RAMP3: variants seen among roughly 807,000 people sequenced by gnomAD.
The protein encoded by RAMP3 is receptor activity modifying protein 3, also known as receptor activity-modifying protein 3.
In RAMP3, 14 loss-of-function variants were observed where a neutral mutation model predicts 13.5. That is an observed-to-expected ratio of 1.04 (90% confidence interval 0.69 to 1.63). The LOEUF is 1.63. Among genes scored for constraint, RAMP3 ranks in the 40% most tolerant of loss-of-function variants. The pLI, the probability that RAMP3 is intolerant of heterozygous loss-of-function variation, is 0.00. For synonymous variants in RAMP3, 106 were observed against 88.3 expected (o/e 1.20, Z -1.12); for missense variants, 200 against 204.8 (o/e 0.98, Z 0.14).
At chr7:45,178,255 T>G (rs1294939) in intron 2 of RAMP3, among the ~76,000 whole-genome samples, 68,034 of 151,822 alleles carry the variant, frequency 0.45, 17,468 homozygotes, top group Admixed American at 0.6. Flanking sequence ...TGAAGGGAGG[T>G]CCCCTTGTTC....
At position 45,177,373 on chromosome 7, in the gene RAMP3, G is replaced by A. The variant is rs1393744855; in HGVS notation, c.123G>A (p.Gly41=). ...TGMLERLPLC[G]KAFADMMGKV... is the part of the protein sequence containing the mutation. ...TGTTGGAGAGGCTGCCCCTGTGTGG[G>A]AAGGCTTTCGCAGACATGATGGGCA... The change falls in exon 2 of 3, where the codon GGG becomes GGA. Residue 41 remains glycine (G), a synonymous_variant. Transcript: ENST00000242249. 3 of 1,614,060 alleles carry A rather than the reference G, an allele frequency of 1.9e-6. No individual in the cohort carries two copies. Among genetic ancestry groups the A allele is most frequent in the Non-Finnish European group, 2.5e-6 (3 of 1,180,002 alleles).
At chr7:45,163,657 C>T (rs1785905769) in intron 1 of RAMP3, 1 of 985,286 alleles carries the variant, frequency 1.0e-6, no homozygotes, top group Non-Finnish European at 1.2e-6. Context: ...CAATTATTAA[C>T]CAATGGAAAC....
chr7:45,163,541 G>T, intron 1 of RAMP3: 1 of 985,404 alleles, frequency 1.0e-6, no homozygotes. Context: ...GGGTCGTGGA[G>T]CAGCAGCTCA....
chr7:45,157,909 C>G, intron 1 of RAMP3, 23 bp downstream of exon 1: 1 of 1,346,970 alleles, frequency 7.4e-7, no homozygotes, highest in Non-Finnish European at 9.5e-7. Context: ...CGGCCCGCAC[C>G]GGGGGCGCCC....
At chr7:45,183,039 A>T (rs1786348590) in intron 2 of RAMP3, 118 bp from the exon 3 acceptor site, 1 of 1,402,118 alleles carries the variant, frequency 7.1e-7, no homozygotes, top group African/African-American at 1.4e-5. Context: ...CTGGGCTGTG[A>T]ATAGGTGGCC....
At position 45,160,330 on chromosome 7, in the gene RAMP3, C is replaced by CAAAA. The variant is rs34833718; in HGVS notation, c.58+2482_58+2485dup. ...CTGGTGACAAAGCGAGACTCTGCCT[C>CAAAA]AAAAAAAAAAAAAAAAAAAAAAAAA... On this transcript the variant is annotated intron_variant, in intron 1 of 2. Coordinates refer to ENST00000242249, the MANE Select transcript of RAMP3 (RefSeq NM_005856.3). Among the ~76,000 whole-genome samples, 67 of 17,888 alleles carry CAAAA rather than the reference C, an allele frequency of 3.7e-3. 18 individuals carry two copies. The East Asian group carries it at 0.044, about 12-fold the overall frequency. 11.7% of individuals were successfully genotyped at this position (17,888 alleles called of 152,430 possible). A position where few individuals can be genotyped will look rare whatever the true frequency, so the allele number is the denominator to read the frequency against.
At chr7:45,182,155 G>A (rs969958216) in intron 2 of RAMP3, among the ~76,000 whole-genome samples, 5 of 152,234 alleles carry the variant, frequency 3.3e-5, no homozygotes, top group Non-Finnish European at 5.9e-5. Context: ...CTGGGACAGC[G>A]CGGGAAGGAG....
At chr7:45,166,931 T>A (rs1265306927) in intron 1 of RAMP3, among the ~76,000 whole-genome samples, 1 of 148,928 alleles carries the variant, frequency 6.7e-6, no homozygotes, top group East Asian at 1.9e-4. Flanking sequence ...AGTTTTATAA[T>A]TTAGCTCTAC....
chr7:45,158,012 C>T (rs1283883194), intron 1 of RAMP3, 126 bp downstream of exon 1: 7 of 927,400 alleles, frequency 7.5e-6, no homozygotes, highest in South Asian at 3.0e-5. Flanking sequence ...GGGAGGGGCG[C>T]ACAGTGACCC....
At chr7:45,158,194 G>T (rs1785796884) in intron 1 of RAMP3, among the ~76,000 whole-genome samples, 1 of 152,214 alleles carries the variant, frequency 6.6e-6, no homozygotes, top group Non-Finnish European at 1.5e-5. Flanking sequence ...TTCTGGGGTC[G>T]CCTCAGGGTG....
rs574040475 is a variant in RAMP3 at position 45,166,986 on chromosome 7, C to T, written c.58+9100C>T. 5.1e-3 allele frequency among the ~76,000 whole-genome samples: 498 copies of T among 98,264 alleles called. 10 individuals are homozygous for T. Among genetic ancestry groups the T allele is most frequent in the Non-Finnish European group, 2.5e-3 (131 of 51,788 alleles). 64.5% of individuals were successfully genotyped at this position (98,264 alleles called of 152,430 possible). On this transcript the variant is annotated intron_variant, in intron 1 of 2. Transcript: ENST00000242249. ...TTTTTTTTTTTTTTTGAGACAGAGTCTTGCCTTGTTGCCCAGGCTGGAGTG... is the reference window on the plus strand; with the variant it reads ...TTTTTTTTTTTTTTTGAGACAGAGTTTTGCCTTGTTGCCCAGGCTGGAGTG...
intron 1 of RAMP3, among the ~76,000 whole-genome samples, chr7:45,172,632 T>G (rs529860896): frequency 6.6e-6 from 1 of 152,298 alleles, no homozygotes; most frequent in Middle Eastern, 3.4e-3. Flanking sequence ...CACGCCTCCT[T>G]GTCTGGCTAA....
intron 2 of RAMP3, among the ~76,000 whole-genome samples, chr7:45,180,184 G>A (rs1003060325): frequency 1.4e-4 from 21 of 152,264 alleles, no homozygotes; most frequent in African/African-American, 5.1e-4. Flanking sequence ...GCGGAGCCAA[G>A]GCAGGAGAGG....
At chr7:45,177,530 T>C in intron 2 of RAMP3, 89 bp downstream of exon 2, 4 of 1,570,486 alleles carry the variant, frequency 2.5e-6, no homozygotes, top group Non-Finnish European at 3.5e-6. Context: ...GACCGCACTC[T>C]ACCCAAGGCC....
chr7:45,163,947 G>T, intron 1 of RAMP3: 1 of 948,482 alleles, frequency 1.1e-6, no homozygotes, highest in Non-Finnish European at 1.3e-6. Context: ...GGTTCAGAGG[G>T]CCTATTTGGG....
At chr7:45,170,493 A>G (rs2128656771) in intron 1 of RAMP3, among the ~76,000 whole-genome samples, 1 of 152,066 alleles carries the variant, frequency 6.6e-6, no homozygotes, top group East Asian at 1.9e-4. Flanking sequence ...GCATGCCACC[A>G]TGCTTGGCTA....
intron 1 of RAMP3, among the ~76,000 whole-genome samples, chr7:45,174,710 T>C (rs1786146589): frequency 6.6e-6 from 1 of 152,148 alleles, no homozygotes. Flanking sequence ...TGGTGAGACT[T>C]CCTGACACTC....
Position 45,183,989 on chromosome 7 carries a change from T to C in RAMP3, c.*577T>C, listed in dbSNP as rs1006945649. On this transcript the variant is annotated 3_prime_UTR_variant, in exon 3 of 3. Coordinates refer to ENST00000242249, the MANE Select transcript of RAMP3 (RefSeq NM_005856.3). Reference sequence around the variant, plus strand: ...GGGAGGAGAAGGGAGGGGCTGGGGGTTCCCAGGAGCCATGCGTGGCCTGCA... The same window carrying C: ...GGGAGGAGAAGGGAGGGGCTGGGGGCTCCCAGGAGCCATGCGTGGCCTGCA... 39 of 413,628 alleles carry C rather than the reference T, an allele frequency of 9.4e-5. No individual in the cohort carries two copies. The Middle Eastern group carries it at 1.8e-3, about 19-fold the overall frequency. 25.6% of individuals were successfully genotyped at this position (413,628 alleles called of 1,614,324 possible).
intron 2 of RAMP3, among the ~76,000 whole-genome samples, chr7:45,181,372 C>A (rs764061895): frequency 6.6e-6 from 1 of 152,210 alleles, no homozygotes; most frequent in Admixed American, 6.5e-5. Flanking sequence ...TTCAGCCCTG[C>A]CTCACCTCCT....
Sources: allele counts gnomAD v4.1 joint callset (sites outside exome capture counted in the v4.1 genomes callset), GRCh38; gene constraint gnomAD v4.1.1; transcripts MANE v1.5; gene names NCBI Gene and HGNC (gene_info 2026-07-23, HGNC 2026-07-21).